The following GABRA3 variants were observed in gnomAD, a reference collection of about 807,000 sequenced individuals.
GABRA3 encodes the protein gamma-aminobutyric acid receptor subunit alpha-3.
GABRA3 carries 10 observed loss-of-function variants against 30.1 expected under a neutral mutation model. The observed-to-expected ratio is 0.33, with a 90% CI of 0.20 to 0.56. The LOEUF is 0.56. Among genes scored for constraint, GABRA3 ranks in the 20% least tolerant of loss-of-function variants. The pLI is 0.89. For synonymous variants in GABRA3, 151 were observed against 146.8 expected (o/e 1.03, Z -0.21); for missense variants, 233 against 392.0 (o/e 0.59, Z 3.42).
At chrX:152,288,278 G>C (rs1277716163) in intron 3 of GABRA3, among the ~76,000 whole-genome samples, 1 of 111,815 alleles carries the variant, frequency 8.9e-6, no homozygotes, top group Admixed American at 9.5e-5. Context: ...CTTGGGGCAA[G>C]GCACCTGATA....
chrX:152,388,093 ATAT>A (rs1929375535), intron 1 of GABRA3, among the ~76,000 whole-genome samples: 2 of 112,329 alleles, frequency 1.8e-5, no homozygotes, highest in South Asian at 7.2e-4. Context: ...ATACATCTAA[ATAT>A]TATACAGGTG....
chrX:152,209,663 C>T (rs938245145), intron 6 of GABRA3, among the ~76,000 whole-genome samples: 1 of 112,405 alleles, frequency 8.9e-6, no homozygotes, highest in Admixed American at 9.4e-5. Flanking sequence ...CTGACATTAA[C>T]AGCTATTCAT....
In GABRA3 at chrX:152,335,604, A is replaced by G. The variant is rs1355960552; in HGVS notation, c.262+9977T>C. Among the ~76,000 whole-genome samples the G allele has an allele frequency of 3.6e-5, 4 of 112,190 alleles. No homozygotes were observed. The East Asian group carries it at 1.1e-3, about 31-fold the overall frequency. ...CACCTCTGCAACTATTAAAACCTTC[A>G]AAGAATTTTTTAAATTTTATTTTTA... On this transcript the variant is annotated intron_variant, in intron 3 of 9. Transcript: ENST00000370314.
At chrX:152,331,048 T>C (rs1433076711) in intron 3 of GABRA3, among the ~76,000 whole-genome samples, 2 of 109,952 alleles carry the variant, frequency 1.8e-5, no homozygotes, top group Non-Finnish European at 3.8e-5. Flanking sequence ...GTTTGAGGAA[T>C]GTTGACTGAG....
intron 1 of GABRA3, among the ~76,000 whole-genome samples, chrX:152,384,092 C>T (rs1929231947): frequency 9.1e-6 from 1 of 110,102 alleles, no homozygotes; most frequent in Non-Finnish European, 1.9e-5. Context: ...AATGAACTAC[C>T]CAAAAAGAAA....
chrX:152,172,259 C>T (rs1239307473), intron 9 of GABRA3, among the ~76,000 whole-genome samples: 2 of 111,637 alleles, frequency 1.8e-5, no homozygotes, highest in Non-Finnish European at 3.8e-5. Context: ...GACCCCACCT[C>T]ACATTATGAT....
chrX:152,232,668 C>A (rs944254826), intron 5 of GABRA3, among the ~76,000 whole-genome samples: 1 of 106,926 alleles, frequency 9.4e-6, no homozygotes, highest in East Asian at 2.9e-4. Context: ...TATATATATA[C>A]AGCATTATAT....
intron 3 of GABRA3, among the ~76,000 whole-genome samples, chrX:152,317,699 T>A (rs1162911250): frequency 1.8e-5 from 2 of 112,070 alleles, no homozygotes; most frequent in East Asian, 5.6e-4. Context: ...GGAAATTGAA[T>A]AACCTGCTCA....
At chrX:152,268,873 A>G (rs1387382275) in intron 4 of GABRA3, among the ~76,000 whole-genome samples, 1 of 111,873 alleles carries the variant, frequency 8.9e-6, no homozygotes, top group East Asian at 2.8e-4. Context: ...CCTGGTCTTA[A>G]ATTTACTACT....
chrX:152,344,709 G>A (rs1407012940), intron 3 of GABRA3, among the ~76,000 whole-genome samples: 1 of 111,936 alleles, frequency 8.9e-6, no homozygotes, highest in African/African-American at 3.2e-5. Flanking sequence ...TGCTGATAAA[G>A]ACATAATTAA....
chrX:152,326,045 T>C (rs1156337086), intron 3 of GABRA3, among the ~76,000 whole-genome samples: 1 of 111,364 alleles, frequency 9.0e-6, no homozygotes, highest in Non-Finnish European at 1.9e-5. Context: ...GCACTAGGAC[T>C]ACGTGACACA....
At chrX:152,186,603 CTCTCTCTCTCTCT>C (rs980866761) in intron 9 of GABRA3, among the ~76,000 whole-genome samples, 1 of 106,062 alleles carries the variant, frequency 9.4e-6, no homozygotes, top group African/African-American at 3.4e-5. Context: ...TCCTTTATCT[CTCTCTCTCTCTCT>C]TCTCTCTCTC....
chrX:152,256,183 T>A (rs1341115315), intron 4 of GABRA3, among the ~76,000 whole-genome samples, 185 bp from the exon 5 acceptor site: 3 of 111,365 alleles, frequency 2.7e-5, no homozygotes, highest in Non-Finnish European at 5.7e-5. Context: ...TGGAGATTAA[T>A]AAGCATGGGG....
At chrX:152,235,312 T>C (rs1938177252) in intron 5 of GABRA3, among the ~76,000 whole-genome samples, 1 of 111,888 alleles carries the variant, frequency 8.9e-6, no homozygotes, top group Non-Finnish European at 1.9e-5. Flanking sequence ...GTGGATTTTG[T>C]ATCCTGAAAC....
intron 9 of GABRA3, among the ~76,000 whole-genome samples, chrX:152,172,810 AGTT>A (rs1337338697): frequency 9.0e-6 from 1 of 111,534 alleles, no homozygotes; most frequent in African/African-American, 3.3e-5. Context: ...AGGAATGGGG[AGTT>A]GTTGTTTAAT....
chrX:152,319,002 T>C (rs543285011), intron 3 of GABRA3, among the ~76,000 whole-genome samples: 1 of 111,425 alleles, frequency 9.0e-6, no homozygotes. Flanking sequence ...GACACAAGAA[T>C]GGAATAAAGA....
chrX:152,360,222 G>A (rs1430644309), intron 2 of GABRA3, among the ~76,000 whole-genome samples: 3 of 74,098 alleles, frequency 4.0e-5, no homozygotes, highest in African/African-American at 1.5e-4. Context: ...TCTAGTTCTA[G>A]ATCCCTGAGG....
intron 2 of GABRA3, among the ~76,000 whole-genome samples, chrX:152,348,928 T>C (rs917563404): frequency 5.4e-5 from 6 of 111,589 alleles, no homozygotes; most frequent in Admixed American, 4.8e-4. Context: ...TTGCTAAAGG[T>C]TGGGGCAGCT....
intron 1 of GABRA3, among the ~76,000 whole-genome samples, chrX:152,385,690 T>A (rs924857802): frequency 8.9e-5 from 10 of 111,803 alleles, no homozygotes; most frequent in Admixed American, 1.9e-4. Flanking sequence ...TGAATGGTAA[T>A]GCCTAGGTTT....
Sources: allele counts gnomAD v4.1 joint callset (sites outside exome capture counted in the v4.1 genomes callset), GRCh38; gene constraint gnomAD v4.1.1; transcripts MANE v1.5; gene names NCBI Gene and HGNC (gene_info 2026-07-23, HGNC 2026-07-21).